The following EPN2 variants were observed in gnomAD, a reference collection of about 807,000 sequenced individuals.
The protein encoded by EPN2 is epsin 2.
Under a neutral mutation model 61.7 loss-of-function variants are expected in EPN2, and 34 were observed. The observed-to-expected ratio is 0.55, with a 90% CI of 0.42 to 0.73. The LOEUF is 0.73. EPN2 is among the 30% of genes least tolerant of loss of function. The pLI, the probability that EPN2 is intolerant of heterozygous loss-of-function variation, is 0.00. For missense variants in EPN2, 714 were observed against 839.2 expected, an observed-to-expected ratio of 0.85 and a Z score of 1.84; for synonymous variants, 349 against 353.6, an observed-to-expected ratio of 0.99 and a Z score of 0.15.
At chr17:19,280,618 T>C (rs1213155584) in intron 1 of EPN2, among the ~76,000 whole-genome samples, 1 of 152,160 alleles carries the variant, frequency 6.6e-6, no homozygotes, top group East Asian at 1.9e-4. Context: ...CAGGGTGAAA[T>C]TTTATGAGCT....
At chr17:19,266,330 A>G (rs577423895) in intron 1 of EPN2, among the ~76,000 whole-genome samples, 1 of 152,298 alleles carries the variant, frequency 6.6e-6, no homozygotes, top group South Asian at 2.1e-4. Flanking sequence ...ACTCCTCAGT[A>G]TATACCCAGG....
intron 1 of EPN2, among the ~76,000 whole-genome samples, chr17:19,278,810 G>A (rs2045333560): frequency 6.6e-6 from 1 of 152,154 alleles, no homozygotes; most frequent in Non-Finnish European, 1.5e-5. Context: ...CACCATGCCT[G>A]GCTAATTTTT....
At chr17:19,326,610 C>T (rs566796804) in intron 7 of EPN2, among the ~76,000 whole-genome samples, 1 of 134,446 alleles carries the variant, frequency 7.4e-6, no homozygotes, top group East Asian at 2.2e-4. Flanking sequence ...TGGCATGAAT[C>T]TGGGAGGTGG....
chr17:19,261,189 G>A (rs2045137945), intron 1 of EPN2, among the ~76,000 whole-genome samples: 7 of 152,202 alleles, frequency 4.6e-5, no homozygotes. Context: ...GCCCTCTACA[G>A]GGCTTGTTCC....
chr17:19,282,897 C>G (rs1343332553), intron 2 of EPN2, 53 bp from the exon 3 acceptor site: 4 of 504,202 alleles, frequency 7.9e-6, no homozygotes, highest in African/African-American at 7.7e-5. Flanking sequence ...CCACAGTCTC[C>G]CACCCTCACA....
chr17:19,262,653 A>ACTATCAGTCTGCTTTCTGT, intron 1 of EPN2, among the ~76,000 whole-genome samples: 2 of 141,340 alleles, frequency 1.4e-5, no homozygotes, highest in East Asian at 5.9e-4. Flanking sequence ...GCCCCTGGCA[A>ACTATCAGTCTGCTTTCTGT]CTGCAATAAA....
At chr17:19,277,996 C>T (rs560502373) in intron 1 of EPN2, among the ~76,000 whole-genome samples, 7 of 151,248 alleles carry the variant, frequency 4.6e-5, no homozygotes, top group Admixed American at 1.3e-4. Context: ...ATGGTGTGAA[C>T]CTGGGAGGCG....
At chr17:19,273,462 C>CT (rs2045275884) in intron 1 of EPN2, among the ~76,000 whole-genome samples, 1 of 152,022 alleles carries the variant, frequency 6.6e-6, no homozygotes. Flanking sequence ...CTTCAAAATT[C>CT]TTTAAGTATA....
At chr17:19,277,933 CG>C (rs1456622704) in intron 1 of EPN2, among the ~76,000 whole-genome samples, 1 of 151,898 alleles carries the variant, frequency 6.6e-6, no homozygotes, top group Non-Finnish European at 1.5e-5. Context: ...ATTAGCTGGG[CG>C]TGGTGGTGGG....
intron 7 of EPN2, 62 bp from the exon 8 acceptor site, chr17:19,328,649 C>G: frequency 6.8e-7 from 1 of 1,461,952 alleles, no homozygotes. Flanking sequence ...CTTTTCCCTT[C>G]TCACCCCAGC....
intron 1 of EPN2, chr17:19,276,683 CTGA>C (rs1262338422): frequency 6.6e-6 from 1 of 151,302 alleles, no homozygotes; most frequent in Non-Finnish European, 1.5e-5. Flanking sequence ...TAGGTAATAA[CTGA>C]TGATATGATG....
chr17:19,311,989 AG>A, intron 5 of EPN2, 62 bp from the exon 6 acceptor site: 1 of 1,054,616 alleles, frequency 9.5e-7, no homozygotes, highest in Non-Finnish European at 1.5e-6. Context: ...GTTTCTGGCC[AG>A]TGTGGCTTTG....
intron 4 of EPN2, among the ~76,000 whole-genome samples, chr17:19,288,764 C>A (rs2045429721): frequency 6.6e-6 from 1 of 152,166 alleles, no homozygotes; most frequent in African/African-American, 2.4e-5. Flanking sequence ...CCTTTTGTGT[C>A]CATGTTTAGA....
At position 19,285,516 on chromosome 17, in the gene EPN2, G is replaced by A. The variant is rs1349986335; in HGVS notation, c.596-104G>A. On this transcript the variant is annotated intron_variant, in intron 3 of 10. Coordinates refer to ENST00000314728, the MANE Select transcript of EPN2 (RefSeq NM_014964.5). The surrounding 1 kb of genome is among the most constrained non-coding windows in gnomAD (Gnocchi z 4.5). ...CACAGCTTCCACCGCAGTGGGCTGCGGGGTTGACCCCGAGTGGCCTTGGCC... is the reference window on the plus strand; with the variant it reads ...CACAGCTTCCACCGCAGTGGGCTGCAGGGTTGACCCCGAGTGGCCTTGGCC... 1.0e-5 allele frequency: 14 copies of A among 1,357,104 alleles called. No individual in the cohort carries two copies. In the South Asian group the frequency reaches 1.3e-4, roughly 12 times the overall value. The allele number at this position is 1,357,104 out of a possible 1,614,324, so 84.1% of individuals were successfully genotyped here.
intron 4 of EPN2, chr17:19,308,235 A>C (rs1368363216): frequency 2.0e-6 from 1 of 504,228 alleles, no homozygotes; most frequent in East Asian, 1.5e-4. Flanking sequence ...CACCACACCC[A>C]GCTAATTTTT....
At chr17:19,268,146 C>G (rs1043964563) in intron 1 of EPN2, among the ~76,000 whole-genome samples, 2 of 152,180 alleles carry the variant, frequency 1.3e-5, no homozygotes, top group African/African-American at 2.4e-5. Context: ...CCCTCTCATT[C>G]TTCATTGCAG....
chr17:19,250,597 G>A (rs1167666251), intron 1 of EPN2, among the ~76,000 whole-genome samples: 1 of 152,090 alleles, frequency 6.6e-6, no homozygotes, highest in Non-Finnish European at 1.5e-5. Flanking sequence ...GGCAGCCTGG[G>A]GCCTGTACTG....
intron 1 of EPN2, among the ~76,000 whole-genome samples, chr17:19,262,370 T>G (rs1034578210): frequency 4.0e-5 from 6 of 151,814 alleles, no homozygotes; most frequent in Non-Finnish European, 5.9e-5. Flanking sequence ...CCCAGCTACT[T>G]AGGAGGCTGA....
chr17:19,245,294 C>T (rs72836761), intron 1 of EPN2, among the ~76,000 whole-genome samples: 7,253 of 152,158 alleles, frequency 0.048, 227 homozygotes, highest in East Asian at 0.11. Context: ...TTTCCTTGAG[C>T]GAAGGGGACA....
Sources: allele counts gnomAD v4.1 joint callset (sites outside exome capture counted in the v4.1 genomes callset), GRCh38; gene constraint gnomAD v4.1.1; non-coding constraint Gnocchi (gnomAD v3.1); transcripts MANE v1.5; gene names NCBI Gene and HGNC (gene_info 2026-07-23, HGNC 2026-07-21).